The following PDE3A variants were observed in gnomAD, a reference collection of about 807,000 sequenced individuals.
PDE3A encodes phosphodiesterase 3A, also known as cGMP-inhibited 3',5'-cyclic phosphodiesterase 3A.
PDE3A carries 43 observed loss-of-function variants against 98.3 expected under a neutral mutation model. The observed-to-expected ratio is 0.44, with a 90% CI of 0.34 to 0.56. The LOEUF (loss-of-function observed/expected upper bound fraction) is 0.56. Among genes scored for constraint, PDE3A ranks in the 20% least tolerant of loss-of-function variants. The pLI is 0.01. For synonymous variants in PDE3A, 663 were observed against 567.9 expected (o/e 1.17, Z -2.38); for missense variants, 1,427 against 1,440.7 (o/e 0.99, Z 0.15).
chr12:20,593,139 A>ATGTT lies in PDE3A; in HGVS notation c.1012-20302_1012-20299dup, dbSNP rs113305473. On this transcript the variant is annotated intron_variant, in intron 2 of 15. Coordinates refer to ENST00000359062, the MANE Select transcript of PDE3A (RefSeq NM_000921.5). ...GTGTCAGTTTGAGAATGAAGCTGGAATGTTTTTATATATTAAAGTTGAATC... is the reference window on the plus strand; with the variant it reads ...GTGTCAGTTTGAGAATGAAGCTGGAATGTTTGTTTTTATATATTAAAGTTGAATC... Among the ~76,000 whole-genome samples the ATGTT allele has an allele frequency of 3.3e-5, 5 of 152,314 alleles. 1 individual carries two copies. The highest frequency in any genetic ancestry group is 1.2e-4 in the African/African-American group (5 of 41,562).
intron 1 of PDE3A, among the ~76,000 whole-genome samples, chr12:20,522,409 T>A (rs749316602): frequency 1.3e-5 from 2 of 152,104 alleles, no homozygotes; most frequent in Non-Finnish European, 2.9e-5. Flanking sequence ...TTTTAACAGG[T>A]GATTGTGAAA....
intron 1 of PDE3A, among the ~76,000 whole-genome samples, chr12:20,387,451 G>C (rs1389171181): frequency 2.0e-5 from 3 of 151,710 alleles, no homozygotes; most frequent in Admixed American, 6.6e-5. Flanking sequence ...TCATTCCTTG[G>C]ATGCTCTAAA....
intron 14 of PDE3A, 121 bp downstream of exon 14, chr12:20,650,721 A>G (rs1944897175): frequency 1.9e-6 from 1 of 524,446 alleles, no homozygotes; most frequent in African/African-American, 1.9e-5. Flanking sequence ...TTTTGTCAGA[A>G]AATGCACTGG....
intron 10 of PDE3A, among the ~76,000 whole-genome samples, chr12:20,642,026 A>T (rs1163874822): frequency 6.6e-6 from 1 of 152,148 alleles, no homozygotes; most frequent in Non-Finnish European, 1.5e-5. Context: ...TAATCAGCAC[A>T]TACAAAAATT....
Position 20,472,556 on chromosome 12 carries a change from C to T in PDE3A, c.961-84104C>T, listed in dbSNP as rs189733327. On this transcript the variant is annotated intron_variant, in intron 1 of 15. Transcript: ENST00000359062. ...TGTTAAATCTGTCTCTGAATCTAGT[C>T]ATCCCTCAGGGGTTTTATTAATCTA... Among the ~76,000 whole-genome samples the T allele has an allele frequency of 1.4e-4, 21 of 146,940 alleles. No homozygotes were observed. In the East Asian group the frequency reaches 4.4e-3, roughly 31 times the overall value.
At chr12:20,671,477 A>C (rs971915049) in intron 15 of PDE3A, among the ~76,000 whole-genome samples, 34 of 100,498 alleles carry the variant, frequency 3.4e-4, no homozygotes, top group Non-Finnish European at 7.1e-4. Context: ...TGAATCCAGC[A>C]GCACATCAAA....
At chr12:20,599,297 C>G (rs1381525563) in intron 2 of PDE3A, among the ~76,000 whole-genome samples, 2 of 151,906 alleles carry the variant, frequency 1.3e-5, no homozygotes, top group Non-Finnish European at 1.5e-5. Context: ...TCTTTCCTGT[C>G]TGTCATACTT....
intron 5 of PDE3A, among the ~76,000 whole-genome samples, chr12:20,629,475 C>T (rs1171131252): frequency 6.6e-6 from 1 of 152,154 alleles, no homozygotes; most frequent in Non-Finnish European, 1.5e-5. Context: ...CTGAACTCTG[C>T]CCCCAGATAC....
In PDE3A at chr12:20,552,051, T is replaced by C; in HGVS notation, c.961-4609T>C. 6.2e-7 allele frequency: 1 copy of C among 1,612,330 alleles called. No homozygotes were observed. The highest frequency in any genetic ancestry group is 8.5e-7 in the Non-Finnish European group (1 of 1,179,874). ...ACGAGGATGACGTGGACCATGGGAA[T>C]TTTTTCACATACACGGGTAGTGGTG... On this transcript the variant is annotated intron_variant, in intron 1 of 15. Transcript: ENST00000359062. This position sits in a 1 kb window ranked among gnomAD's most constrained non-coding sequence, Gnocchi z 5.1.
At chr12:20,497,496 T>C (rs1250070257) in intron 1 of PDE3A, among the ~76,000 whole-genome samples, 1 of 151,500 alleles carries the variant, frequency 6.6e-6, no homozygotes, top group African/African-American at 2.4e-5. Flanking sequence ...ATTTTAAAGT[T>C]TTTAAAAAAC....
rs1172285983 is a variant in PDE3A at position 20,683,720 on chromosome 12, T to TAG, written c.*3450_*3451insGA. Reference sequence around the variant, plus strand: ...GTAGCTCTGTACAGGGATATATCTATATTAGTCTTCATCTGATGAATGAAG... The same window carrying TAG: ...GTAGCTCTGTACAGGGATATATCTATAGATTAGTCTTCATCTGATGAATGAAG... On this transcript the variant is annotated 3_prime_UTR_variant, in exon 16 of 16. Transcript: ENST00000359062. 1 of 152,194 alleles carries TAG rather than the reference T, an allele frequency of 6.6e-6. No individual in the cohort carries two copies. The highest frequency in any genetic ancestry group is 1.5e-5 in the Non-Finnish European group (1 of 68,022). The allele number at this position is 152,194 out of a possible 1,614,324, so 9.4% of individuals were successfully genotyped here. A position where few individuals can be genotyped will look rare whatever the true frequency, so the allele number is the denominator to read the frequency against.
rs377200641 is a variant in PDE3A at position 20,542,524 on chromosome 12, C to T, written c.961-14136C>T. Reference sequence around the variant, plus strand: ...TATATTTTAGGCCCATAAATGTAAACCATTTGGATATCAAAGCAATGTTTA... The same window carrying T: ...TATATTTTAGGCCCATAAATGTAAATCATTTGGATATCAAAGCAATGTTTA... On this transcript the variant is annotated intron_variant, in intron 1 of 15. Transcript: ENST00000359062. 6.7e-4 allele frequency among the ~76,000 whole-genome samples: 102 copies of T among 151,508 alleles called. 1 individual carries two copies. The highest frequency in any genetic ancestry group is 2.4e-3 in the African/African-American group (101 of 41,296).
In PDE3A at chr12:20,500,888, C is replaced by T. The variant is rs534351127; in HGVS notation, c.961-55772C>T. 8.6e-5 allele frequency among the ~76,000 whole-genome samples: 13 copies of T among 151,640 alleles called. 1 individual carries two copies. In the South Asian group the frequency reaches 2.7e-3, roughly 32 times the overall value. ...GTTCAAGCAATCCTCCTGACTCAGT[C>T]CCTGAAGTAGCTGGAACTACAAGTG... On this transcript the variant is annotated intron_variant, in intron 1 of 15. Coordinates refer to ENST00000359062, the MANE Select transcript of PDE3A (RefSeq NM_000921.5).
chr12:20,539,001 T>G (rs1360641878), intron 1 of PDE3A, among the ~76,000 whole-genome samples: 1 of 152,020 alleles, frequency 6.6e-6, no homozygotes, highest in African/African-American at 2.4e-5. Context: ...AAAAAGCATG[T>G]ATTGAATCCC....
Position 20,461,342 on chromosome 12 carries a change from C to G in PDE3A, c.960+91098C>G, listed in dbSNP as rs140019845. On this transcript the variant is annotated intron_variant, in intron 1 of 15. Transcript: ENST00000359062. The stretch of plus-strand genomic sequence containing the variant: ...CACTTTGTACTTATATAAAGTATTA[C>G]TGAGTTTCCATTTAAGTAGTGACAT... Among the ~76,000 whole-genome samples the G allele has an allele frequency of 2.2e-3, 329 of 150,662 alleles. 2 individuals carry two copies. The highest frequency in any genetic ancestry group is 7.5e-3 in the African/African-American group (308 of 40,934).
At chr12:20,577,671 C>T (rs1426064603) in intron 2 of PDE3A, among the ~76,000 whole-genome samples, 1 of 151,952 alleles carries the variant, frequency 6.6e-6, no homozygotes, top group East Asian at 1.9e-4. Context: ...CTTTATGTTC[C>T]AGTTTTGCTA....
intron 2 of PDE3A, among the ~76,000 whole-genome samples, chr12:20,600,219 A>C (rs1943557292): frequency 6.6e-6 from 1 of 152,162 alleles, no homozygotes; most frequent in African/African-American, 2.4e-5. Context: ...TCCAGTTCAG[A>C]AGTCTCTCCT....
chr12:20,509,736 T>C (rs967217912), intron 1 of PDE3A, among the ~76,000 whole-genome samples: 1 of 152,030 alleles, frequency 6.6e-6, no homozygotes, highest in East Asian at 1.9e-4. Flanking sequence ...TCTTTTCTTC[T>C]CTTTAGTGCC....
intron 2 of PDE3A, among the ~76,000 whole-genome samples, chr12:20,594,531 GC>G (rs1342580563): frequency 2.7e-5 from 4 of 146,240 alleles, no homozygotes; most frequent in Non-Finnish European, 6.0e-5. Flanking sequence ...CTAATTAGGG[GC>G]TTTTTTTTTT....
Sources: allele counts gnomAD v4.1 joint callset (sites outside exome capture counted in the v4.1 genomes callset), GRCh38; gene constraint gnomAD v4.1.1; non-coding constraint Gnocchi (gnomAD v3.1); transcripts MANE v1.5; gene names NCBI Gene and HGNC (gene_info 2026-07-23, HGNC 2026-07-21).